Variants in PARD3B observed in about 807,000 individuals in gnomAD.
PARD3B encodes par-3 family cell polarity regulator beta.
PARD3B carries 103 observed loss-of-function variants against 130.2 expected under a neutral mutation model. That is an observed-to-expected ratio of 0.79 (90% CI 0.67 to 0.93). The LOEUF is 0.93. PARD3B is among the 40% of genes least tolerant of loss of function. The pLI, the probability that PARD3B is intolerant of heterozygous loss-of-function variation, is 0.00. For synonymous variants in PARD3B, 583 were observed against 553.2 expected, an observed-to-expected ratio of 1.05 and a Z score of -0.76; for missense variants, 1,609 against 1,499.2, an observed-to-expected ratio of 1.07 and a Z score of -1.21.
intron 2 of PARD3B, among the ~76,000 whole-genome samples, chr2:204,931,068 G>T (rs552840329): frequency 1.6e-4 from 25 of 152,200 alleles, no homozygotes; most frequent in African/African-American, 6.0e-4. Context: ...TTGGCTGGAT[G>T]CCGATAGAAG....
At chr2:205,050,477 CTAGTT>C (rs1228209027) in intron 4 of PARD3B, among the ~76,000 whole-genome samples, 2 of 151,908 alleles carry the variant, frequency 1.3e-5, no homozygotes, top group South Asian at 2.1e-4. Flanking sequence ...TCTACAGTGT[CTAGTT>C]TAGTAGCCAC....
intron 18 of PARD3B, among the ~76,000 whole-genome samples, chr2:205,304,525 C>T (rs2042121465): frequency 1.3e-5 from 2 of 151,826 alleles, no homozygotes; most frequent in Admixed American, 6.6e-5. Flanking sequence ...ATCCCAGCTA[C>T]TCGGGAGGCT....
chr2:204,863,287 G>A (rs2045284041), intron 2 of PARD3B, among the ~76,000 whole-genome samples: 1 of 152,106 alleles, frequency 6.6e-6, no homozygotes, highest in Non-Finnish European at 1.5e-5. Flanking sequence ...GATACCTCTT[G>A]TATACCTGAC....
chr2:205,583,814 C>CTAT (rs2054093850), intron 22 of PARD3B, among the ~76,000 whole-genome samples: 1 of 152,168 alleles, frequency 6.6e-6, no homozygotes, highest in Non-Finnish European at 1.5e-5. Context: ...CTTTTCCTGT[C>CTAT]TTACATCCCC....
intron 2 of PARD3B, among the ~76,000 whole-genome samples, chr2:204,864,834 G>A (rs745543766): frequency 1.2e-4 from 19 of 152,032 alleles, no homozygotes; most frequent in Non-Finnish European, 2.5e-4. Flanking sequence ...TAGATTACTG[G>A]CCTCTGTGCA....
intron 22 of PARD3B, among the ~76,000 whole-genome samples, chr2:205,569,815 T>C (rs1436276254): frequency 6.6e-6 from 1 of 152,192 alleles, no homozygotes; most frequent in Non-Finnish European, 1.5e-5. Context: ...TTGGGCTTTT[T>C]TCTCAAAATG....
chr2:205,250,838 A>G (rs535277235), intron 16 of PARD3B, among the ~76,000 whole-genome samples: 1 of 152,274 alleles, frequency 6.6e-6, no homozygotes, highest in African/African-American at 2.4e-5. Flanking sequence ...CTGAGGCAAG[A>G]GAATCGCTTG....
intron 2 of PARD3B, among the ~76,000 whole-genome samples, chr2:204,720,690 G>A (rs968126168): frequency 1.1e-4 from 16 of 152,138 alleles, no homozygotes; most frequent in African/African-American, 3.4e-4. Context: ...GGTACTGTCA[G>A]CAGGTGATTG....
chr2:205,013,089 A>T (rs1397074728), intron 3 of PARD3B, among the ~76,000 whole-genome samples: 5 of 152,342 alleles, frequency 3.3e-5, no homozygotes, highest in Non-Finnish European at 5.9e-5. Flanking sequence ...CTACCCATGC[A>T]AGCTAGAATC....
intron 2 of PARD3B, among the ~76,000 whole-genome samples, chr2:204,822,593 T>A (rs1442458031): frequency 6.6e-6 from 1 of 152,180 alleles, no homozygotes; most frequent in Non-Finnish European, 1.5e-5. Context: ...GTGTAATTTC[T>A]CTTAGGTACC....
chr2:204,958,470 A>T (rs144960345), intron 2 of PARD3B, among the ~76,000 whole-genome samples: 5 of 152,304 alleles, frequency 3.3e-5, no homozygotes, highest in Non-Finnish European at 5.9e-5. Context: ...TTCTTGTATG[A>T]TGAAGAACAA....
chr2:205,519,861 G>A (rs2050960550), intron 21 of PARD3B, among the ~76,000 whole-genome samples: 1 of 152,134 alleles, frequency 6.6e-6, no homozygotes, highest in Non-Finnish European at 1.5e-5. Context: ...GGCATTTTTG[G>A]TGTTGAAGCT....
At chr2:205,511,956 C>T (rs1335470873) in intron 21 of PARD3B, among the ~76,000 whole-genome samples, 1 of 152,046 alleles carries the variant, frequency 6.6e-6, no homozygotes, top group East Asian at 1.9e-4. Flanking sequence ...GATTTAACAT[C>T]ATTTGGTTCT....
intron 6 of PARD3B, among the ~76,000 whole-genome samples, chr2:205,115,921 T>G (rs1157829717): frequency 6.6e-6 from 1 of 152,196 alleles, no homozygotes; most frequent in Non-Finnish European, 1.5e-5. Flanking sequence ...TGGCTTTGCC[T>G]CCAATGTATT....
intron 1 of PARD3B, among the ~76,000 whole-genome samples, chr2:204,647,144 T>G (rs1465980358): frequency 6.6e-6 from 1 of 151,968 alleles, no homozygotes; most frequent in Non-Finnish European, 1.5e-5. Flanking sequence ...CTTTTGCTAT[T>G]TCAATGGGTG....
chr2:205,182,184 C>T lies in PARD3B; in HGVS notation c.1925-3580C>T, dbSNP rs553834065. Reference sequence around the variant, plus strand: ...GCAGGTGCCTGTAGTCCCAGCTACGCGGGAGGCTGAGGCAGGAGAATGGCT... The same window carrying T: ...GCAGGTGCCTGTAGTCCCAGCTACGTGGGAGGCTGAGGCAGGAGAATGGCT... On this transcript the variant is annotated intron_variant, in intron 13 of 22. Transcript: ENST00000406610. Among the ~76,000 whole-genome samples, 220 of 151,866 alleles carry T rather than the reference C, an allele frequency of 1.4e-3. 1 individual carries two copies. The highest frequency in any genetic ancestry group is 4.3e-3 in the African/African-American group (179 of 41,422).
At chr2:205,047,402 G>A (rs950905382) in intron 3 of PARD3B, among the ~76,000 whole-genome samples, 179 bp from the exon 4 acceptor site, 8 of 152,294 alleles carry the variant, frequency 5.3e-5, no homozygotes, top group Admixed American at 3.3e-4. Flanking sequence ...GTTTCCATGT[G>A]TCAACCTATA....
intron 12 of PARD3B, among the ~76,000 whole-genome samples, chr2:205,172,600 C>A (rs1339859135): frequency 2.0e-5 from 3 of 152,154 alleles, no homozygotes; most frequent in African/African-American, 7.2e-5. Flanking sequence ...TCTATAATTT[C>A]TAGTTTTTTC....
chr2:205,039,532 T>C (rs919937), intron 3 of PARD3B, among the ~76,000 whole-genome samples: 151,359 of 152,182 alleles, frequency 0.99, 75,276 homozygotes, highest in Middle Eastern at 1. Flanking sequence ...TGCAGTGGCG[T>C]GATCTCAGCT....
Sources: gnomAD v4.1 joint callset for allele counts (sites outside exome capture counted in the v4.1 genomes callset) on GRCh38, gnomAD v4.1.1 for gene constraint, MANE v1.5 for transcripts, NCBI Gene and HGNC (gene_info 2026-07-23, HGNC 2026-07-21) for gene names.